Variants in HPSE2 observed in about 807,000 individuals in gnomAD.
HPSE2 encodes inactive heparanase-2.
Under a neutral mutation model 60.5 loss-of-function variants are expected in HPSE2, and 38 were observed. That is an observed-to-expected ratio of 0.63 (90% CI 0.48 to 0.82). HPSE2 has a LOEUF of 0.82. Ranked by LOEUF, HPSE2 falls within the 40% of genes least tolerant of loss-of-function variation. The pLI, the probability that HPSE2 is intolerant of heterozygous loss-of-function variation, is 0.00. For synonymous variants in HPSE2, 295 were observed against 293.2 expected (o/e 1.01, Z -0.06); for missense variants, 713 against 740.4 (o/e 0.96, Z 0.43).
chr10:98,658,157 C>T (rs970008792), intron 6 of HPSE2, among the ~76,000 whole-genome samples: 4 of 151,972 alleles, frequency 2.6e-5, no homozygotes, highest in South Asian at 2.1e-4. Context: ...CTAAACGATA[C>T]GATGAAGGAC....
At chr10:98,559,850 G>T (rs770619269) in intron 9 of HPSE2, among the ~76,000 whole-genome samples, 4 of 152,304 alleles carry the variant, frequency 2.6e-5, no homozygotes, top group Non-Finnish European at 2.9e-5. Context: ...TGGTTTGTGA[G>T]CTGTATTTTT....
chr10:98,659,641 G>GAA (rs1947171290), intron 6 of HPSE2, among the ~76,000 whole-genome samples: 1 of 152,140 alleles, frequency 6.6e-6, no homozygotes, highest in Non-Finnish European at 1.5e-5. Context: ...ACATATATTT[G>GAA]TTTGAATGCC....
At chr10:98,726,630 TATAATAATAATAATAATA>T (rs35016961) in intron 4 of HPSE2, among the ~76,000 whole-genome samples, 3 of 143,606 alleles carry the variant, frequency 2.1e-5, no homozygotes, top group East Asian at 2.0e-4. Flanking sequence ...AAACTTAAAG[TATAATAATAATAATAATA>T]ATAATAATAA....
At chr10:99,050,931 T>C (rs1049030017) in intron 3 of HPSE2, among the ~76,000 whole-genome samples, 5 of 152,088 alleles carry the variant, frequency 3.3e-5, no homozygotes, top group Non-Finnish European at 7.4e-5. Context: ...GGTTTGGATA[T>C]GTTAATTAGC....
intron 6 of HPSE2, among the ~76,000 whole-genome samples, chr10:98,673,364 T>C (rs1345702004): frequency 6.6e-6 from 1 of 152,148 alleles, no homozygotes; most frequent in East Asian, 1.9e-4. Flanking sequence ...TAAAAATACC[T>C]CTTTGCTCAT....
rs145072103 is a variant in HPSE2 at position 98,506,665 on chromosome 10, C to T, written c.1321-16469G>A. 2.2e-3 allele frequency among the ~76,000 whole-genome samples: 339 copies of T among 152,160 alleles called. 1 individual carries two copies. The highest frequency in any genetic ancestry group is 8.0e-3 in the African/African-American group (330 of 41,508). On this transcript the variant is annotated intron_variant, in intron 9 of 11. Coordinates refer to ENST00000370552, the MANE Select transcript of HPSE2 (RefSeq NM_021828.5). ...TAGAGACAGGGTCTTGCTATGTTGCCCACTCTGGTCTTAAACTCCTGATCA... is the reference window on the plus strand; with the variant it reads ...TAGAGACAGGGTCTTGCTATGTTGCTCACTCTGGTCTTAAACTCCTGATCA...
At chr10:99,100,276 C>A (rs997549732) in intron 3 of HPSE2, among the ~76,000 whole-genome samples, 5 of 152,112 alleles carry the variant, frequency 3.3e-5, no homozygotes, top group African/African-American at 9.7e-5. Flanking sequence ...ACTAGAATAA[C>A]CAGCATAGAG....
chr10:98,794,271 C>T (rs951312731), intron 3 of HPSE2, among the ~76,000 whole-genome samples: 1 of 149,718 alleles, frequency 6.7e-6, no homozygotes, highest in African/African-American at 2.5e-5. Flanking sequence ...GACAGAGTCT[C>T]ACTCTGTCAC....
At chr10:98,724,843 AACAG>A (rs1949028242) in intron 4 of HPSE2, among the ~76,000 whole-genome samples, 1 of 152,158 alleles carries the variant, frequency 6.6e-6, no homozygotes, top group South Asian at 2.1e-4. Context: ...ATACACCAAT[AACAG>A]ACAAACAGAG....
intron 3 of HPSE2, among the ~76,000 whole-genome samples, chr10:98,905,342 G>T (rs2134996954): frequency 6.8e-6 from 1 of 147,496 alleles, no homozygotes; most frequent in South Asian, 2.2e-4. Flanking sequence ...CCCAGAGTGT[G>T]ATATTCCCCT....
At chr10:99,067,289 G>A (rs939878147) in intron 3 of HPSE2, among the ~76,000 whole-genome samples, 1 of 152,162 alleles carries the variant, frequency 6.6e-6, no homozygotes, top group African/African-American at 2.4e-5. Context: ...CCATTCTGGG[G>A]TCTGGAGGAT....
intron 3 of HPSE2, among the ~76,000 whole-genome samples, chr10:98,944,459 A>G (rs1416951940): frequency 6.6e-6 from 1 of 152,182 alleles, no homozygotes; most frequent in Non-Finnish European, 1.5e-5. Context: ...TAGAGGTGGT[A>G]GCACTGCCTT....
At chr10:98,896,092 TAAAAA>T (rs920580645) in intron 3 of HPSE2, among the ~76,000 whole-genome samples, 2 of 149,518 alleles carry the variant, frequency 1.3e-5, no homozygotes, top group African/African-American at 4.9e-5. Flanking sequence ...TAATAATAAT[TAAAAA>T]AAAGAAAAAA....
intron 9 of HPSE2, among the ~76,000 whole-genome samples, chr10:98,513,155 G>T (rs553489405): frequency 6.8e-4 from 104 of 152,286 alleles, no homozygotes; most frequent in African/African-American, 2.4e-3. Context: ...ATAAACGGTT[G>T]TAACTATGAG....
At chr10:98,514,711 GTTTTTTTTTTT>G in intron 9 of HPSE2, among the ~76,000 whole-genome samples, 1 of 67,726 alleles carries the variant, frequency 1.5e-5, no homozygotes, top group African/African-American at 5.3e-5. Context: ...TATATACTTT[GTTTTTTTTTTT>G]TTTTTTTTTT....
intron 9 of HPSE2, among the ~76,000 whole-genome samples, chr10:98,593,448 GT>G (rs58942720): frequency 0.11 from 15,894 of 147,700 alleles, 1,394 homozygotes; most frequent in African/African-American, 0.26. Flanking sequence ...TCCAACGAAG[GT>G]TTTTTTTTTT....
chr10:99,308,872 T>C, the HPSE2 span, among the ~76,000 whole-genome samples: 7 of 152,228 alleles, frequency 4.6e-5, no homozygotes, highest in East Asian at 1.2e-3. Flanking sequence ...AAATAGGCGA[T>C]TCTGATGAGT....
chr10:98,765,176 TTGAAGAACAC>T (rs1664825544), intron 3 of HPSE2, among the ~76,000 whole-genome samples: 1 of 152,094 alleles, frequency 6.6e-6, no homozygotes, highest in Non-Finnish European at 1.5e-5. Context: ...TAACAGAAAC[TTGAAGAACAC>T]TGAAGACAAC....
chr10:98,477,068 C>G (rs1355149793), intron 11 of HPSE2, among the ~76,000 whole-genome samples: 1 of 152,130 alleles, frequency 6.6e-6, no homozygotes, highest in African/African-American at 2.4e-5. Context: ...GTCAGGGGAA[C>G]TGGATCCTAG....
Sources: gnomAD v4.1 joint callset for allele counts (sites outside exome capture counted in the v4.1 genomes callset) on GRCh38, gnomAD v4.1.1 for gene constraint, MANE v1.5 for transcripts, NCBI Gene and HGNC (gene_info 2026-07-23, HGNC 2026-07-21) for gene names.